Variants in RIMBP2 observed in about 807,000 individuals in gnomAD.
RIMBP2 encodes the protein RIMS-binding protein 2.
RIMBP2 carries 48 observed loss-of-function variants against 118.6 expected under a neutral mutation model. The observed-to-expected ratio is 0.40, with a 90% confidence interval of 0.32 to 0.51. The LOEUF (loss-of-function observed/expected upper bound fraction) is 0.51, where lower values mean the gene tolerates loss of function less well. RIMBP2 is among the 20% of genes least tolerant of loss of function. RIMBP2 has a pLI of 0.41. For synonymous variants in RIMBP2, 762 were observed against 742.9 expected (o/e 1.03, Z -0.42); for missense variants, 1,551 against 1,768.3 (o/e 0.88, Z 2.20).
intron 15 of RIMBP2, 36 bp downstream of exon 15, chr12:130,428,143 G>A (rs752353998): frequency 1.3e-6 from 2 of 1,549,046 alleles, no homozygotes; most frequent in Non-Finnish European, 1.7e-6. Context: ...CTACTCTGGG[G>A]ACGGAGTGCA....
At chr12:130,661,467 G>C (rs1446078898) in intron 1 of RIMBP2, among the ~76,000 whole-genome samples, 1 of 144,954 alleles carries the variant, frequency 6.9e-6, no homozygotes, top group Admixed American at 6.8e-5. Context: ...GAGAGACCAA[G>C]AATCTACACA....
At chr12:130,701,493 G>T (rs1237119024) in intron 1 of RIMBP2, among the ~76,000 whole-genome samples, 1 of 152,146 alleles carries the variant, frequency 6.6e-6, no homozygotes, top group Non-Finnish European at 1.5e-5. Context: ...ATCACACTCA[G>T]GGGCGGAGAG....
intron 2 of RIMBP2, among the ~76,000 whole-genome samples, chr12:130,524,493 G>A (rs1292556944): frequency 6.6e-6 from 1 of 152,178 alleles, no homozygotes; most frequent in Non-Finnish European, 1.5e-5. Context: ...CAGACAGCTG[G>A]GCTCTGGCTG....
At chr12:130,513,003 AAG>A (rs1317255094) in intron 3 of RIMBP2, among the ~76,000 whole-genome samples, 1 of 152,180 alleles carries the variant, frequency 6.6e-6, no homozygotes, top group East Asian at 1.9e-4. Context: ...AAAATGTTTA[AAG>A]AGGGAAATTG....
At chr12:130,537,168 C>T (rs575115809) in intron 2 of RIMBP2, among the ~76,000 whole-genome samples, 1 of 152,286 alleles carries the variant, frequency 6.6e-6, no homozygotes, top group South Asian at 2.1e-4. Flanking sequence ...GCCACTTACA[C>T]CCCAGCTCTT....
chr12:130,689,275 A>C (rs1361422021), intron 1 of RIMBP2, among the ~76,000 whole-genome samples: 1 of 152,076 alleles, frequency 6.6e-6, no homozygotes, highest in African/African-American at 2.4e-5. Context: ...TCTACCAAAA[A>C]TACAAAAATT....
chr12:130,565,421 T>C (rs1334749949), intron 2 of RIMBP2, among the ~76,000 whole-genome samples: 19 of 152,190 alleles, frequency 1.2e-4, no homozygotes. Context: ...CTCTCCCCAA[T>C]GGATCATGAG....
intron 2 of RIMBP2, among the ~76,000 whole-genome samples, chr12:130,584,243 T>C (rs146226486): frequency 0.055 from 808 of 14,560 alleles, 86 homozygotes; most frequent in African/African-American, 0.066. Flanking sequence ...ACCACCACCA[T>C]CACCATCACC....
chr12:130,399,130 C>A, intron 22 of RIMBP2: 1 of 1,396,126 alleles, frequency 7.2e-7, no homozygotes, highest in Non-Finnish European at 9.4e-7. Flanking sequence ...GGCTACATTG[C>A]CTGATTAAGG....
chr12:130,595,346 C>A (rs560374479), intron 2 of RIMBP2, among the ~76,000 whole-genome samples: 1 of 152,160 alleles, frequency 6.6e-6, no homozygotes, highest in Non-Finnish European at 1.5e-5. Flanking sequence ...ACTATGAGGT[C>A]AAGAGATCGA....
chr12:130,422,410 C>T lies in RIMBP2; in HGVS notation c.3238+43G>A, dbSNP rs1435196064. 4.3e-6 allele frequency: 6 copies of T among 1,392,708 alleles called. No individual in the cohort carries two copies. In the Admixed American group the frequency reaches 1.1e-4, roughly 25 times the overall value. The allele number at this position is 1,392,708 out of a possible 1,614,324, so 86.3% of individuals were successfully genotyped here. On this transcript the variant is annotated intron_variant, in intron 17 of 22. Coordinates refer to ENST00000690449, the MANE Select transcript of RIMBP2 (RefSeq NM_001393629.1). The surrounding 1 kb of genome is among the most constrained non-coding windows in gnomAD (Gnocchi z 5.2). ...CTTAGATGGAGTAAGCAGCCACATG[C>T]TCCGCGGCTGAAAGACACAACAGCG...
At chr12:130,680,878 G>A (rs2064751513) in intron 1 of RIMBP2, among the ~76,000 whole-genome samples, 2 of 152,214 alleles carry the variant, frequency 1.3e-5, no homozygotes, top group Admixed American at 6.5e-5. Context: ...TCGTGCTGTA[G>A]GGATTTTGTT....
At chr12:130,461,634 G>T (rs1256663528) in intron 6 of RIMBP2, among the ~76,000 whole-genome samples, 1 of 152,144 alleles carries the variant, frequency 6.6e-6, no homozygotes, top group Non-Finnish European at 1.5e-5. Context: ...GGGTCCTGGG[G>T]GTGGATCCCT....
At position 130,445,263 on chromosome 12, in the gene RIMBP2, G is replaced by A. The variant is rs752517930; in HGVS notation, c.588C>T (p.Asn196=). ...GGTTCTCGTTCGGTCCATCGAAGGG[G>A]TTGTAACTGCAGAGAAAACACAGTT... is the stretch of plus-strand genomic sequence containing the variant. ...VHLCVARYSY[N]PFDGPNENPE... is the part of the protein sequence containing the mutation. Residue 196 remains asparagine (N), a synonymous_variant, in exon 10 of 23, where the codon AAC becomes AAT. Coordinates refer to ENST00000690449, the MANE Select transcript of RIMBP2 (RefSeq NM_001393629.1). 33 of 1,610,686 alleles carry A rather than the reference G, an allele frequency of 2.0e-5. 1 individual carries two copies. The highest frequency in any genetic ancestry group is 1.7e-4 in the Middle Eastern group (1 of 6,044).
rs60527983 is a variant in RIMBP2 at position 130,700,164 on chromosome 12, T to C, written c.-352+16058A>G. Among the ~76,000 whole-genome samples the C allele has an allele frequency of 6.8e-3, 1,036 of 152,226 alleles. 14 individuals carry two copies. The highest frequency in any genetic ancestry group is 0.024 in the African/African-American group (989 of 41,552). On this transcript the variant is annotated intron_variant, in intron 1 of 22. Transcript: ENST00000690449. Reference sequence around the variant, plus strand: ...CAGAAAACATTTGATGGTCTTCCAGTTGGTGTGGTTTTTAGTTTATTTTCT... The same window carrying C: ...CAGAAAACATTTGATGGTCTTCCAGCTGGTGTGGTTTTTAGTTTATTTTCT...
At chr12:130,554,977 A>T (rs2056203309) in intron 2 of RIMBP2, among the ~76,000 whole-genome samples, 1 of 152,252 alleles carries the variant, frequency 6.6e-6, no homozygotes, top group Non-Finnish European at 1.5e-5. Flanking sequence ...AAAGATTTGA[A>T]TTCACTTATG....
In RIMBP2 at chr12:130,512,329, C is replaced by CTT. The variant is rs35731830; in HGVS notation, c.-127+5497_-127+5498dup. Among the ~76,000 whole-genome samples the CTT allele has an allele frequency of 3.3e-3, 496 of 149,982 alleles. 3 individuals are homozygous for CTT. The highest frequency in any genetic ancestry group is 0.011 in the African/African-American group (465 of 40,932). On this transcript the variant is annotated intron_variant, in intron 3 of 22. Transcript: ENST00000690449. ...TCTCTGCCTCAAAGTCCATTGCTTT[C>CTT]TTTTTTTTTTCTTGAGAGAGCCTCA...
chr12:130,673,342 G>C (rs985863037), intron 1 of RIMBP2, among the ~76,000 whole-genome samples: 1 of 152,212 alleles, frequency 6.6e-6, no homozygotes, highest in Non-Finnish European at 1.5e-5. Context: ...GCACAAAGAG[G>C]CTAAAAGCCT....
chr12:130,575,574 G>A (rs191744105), intron 2 of RIMBP2, among the ~76,000 whole-genome samples: 4 of 152,192 alleles, frequency 2.6e-5, no homozygotes, highest in East Asian at 1.9e-4. Flanking sequence ...TGCAACTGTC[G>A]GGCCCTGTTC....
Sources: gnomAD v4.1 joint callset for allele counts (sites outside exome capture counted in the v4.1 genomes callset) on GRCh38, gnomAD v4.1.1 for gene constraint, Gnocchi (gnomAD v3.1) non-coding constraint, MANE v1.5 for transcripts, NCBI Gene and HGNC (gene_info 2026-07-23, HGNC 2026-07-21) for gene names.